PGBD1: variants seen among roughly 807,000 people sequenced by gnomAD.
PGBD1 encodes piggyBac transposable element derived 1.
In PGBD1, 25 loss-of-function variants were observed where a neutral mutation model predicts 34.7. That is an observed-to-expected ratio of 0.72 (90% confidence interval 0.52 to 1.00). The LOEUF (loss-of-function observed/expected upper bound fraction) is 1.00. Among genes scored for constraint, PGBD1 ranks in the 50% least tolerant of loss-of-function variants. PGBD1 has a pLI of 0.00. For synonymous variants in PGBD1, 292 were observed against 335.7 expected, an observed-to-expected ratio of 0.87 and a Z score of 1.42; for missense variants, 830 against 959.4, an observed-to-expected ratio of 0.87 and a Z score of 1.78.
At chr6:28,293,932 G>T (rs1483358624) in intron 4 of PGBD1, among the ~76,000 whole-genome samples, 1 of 152,092 alleles carries the variant, frequency 6.6e-6, no homozygotes, top group African/African-American at 2.4e-5. Context: ...TGCCTCTCAG[G>T]TTCAATAAAA....
rs773350099 is a variant in PGBD1 at position 28,296,810 on chromosome 6, T to A, written c.643-6T>A. The A allele has an allele frequency of 6.2e-7, 1 of 1,613,682 alleles. No individual in the cohort carries two copies. The highest frequency in any genetic ancestry group is 1.7e-5 in the Admixed American group (1 of 59,858). ...AAGAGGCTATTTTCTTTTTTTGTCT[T>A]TTTAGACATTGGTGAAGACTGAGGA... is the stretch of plus-strand genomic sequence containing the variant. On this transcript the variant is annotated splice_region_variant and splice_polypyrimidine_tract_variant and intron_variant, in intron 4 of 6. Transcript: ENST00000682144.
At chr6:28,285,910 T>C (rs1762273572) in intron 3 of PGBD1, among the ~76,000 whole-genome samples, 1 of 152,222 alleles carries the variant, frequency 6.6e-6, no homozygotes, top group Admixed American at 6.5e-5. Context: ...ATATTATTAT[T>C]ACTAACTATA....
chr6:28,287,677 T>G (rs1308008266), intron 4 of PGBD1, among the ~76,000 whole-genome samples: 1 of 152,196 alleles, frequency 6.6e-6, no homozygotes, highest in Non-Finnish European at 1.5e-5. Context: ...TCATTCATTT[T>G]CCTAGTCATT....
Position 28,287,164 on chromosome 6 carries a change from C to T in PGBD1, c.638C>T (p.Ser213Phe), listed in dbSNP as rs1247770697. 2 of 1,611,702 alleles carry T rather than the reference C, an allele frequency of 1.2e-6. No individual in the cohort carries two copies. The highest frequency in any genetic ancestry group is 1.7e-5 in the Admixed American group (1 of 60,008). ...AVVPVFNPVR[S>F]QTLVKTEEET... ...GTGCCTGTGTTTAACCCAGTCAGGT[C>T]CCAGGTAAGTAGGATGCCCAAGCTT... Residue 213 changes from serine (S) to phenylalanine (F), a missense_variant, in exon 4 of 7, where the codon TCC becomes TTC. Ser to Phe is a radical substitution (Grantham distance 155, BLOSUM62 -2). Transcript: ENST00000682144.
At chr6:28,282,883 A>C (rs1762171492) in intron 1 of PGBD1, among the ~76,000 whole-genome samples, 1 of 152,230 alleles carries the variant, frequency 6.6e-6, no homozygotes, top group African/African-American at 2.4e-5. Flanking sequence ...CAAAGGAAAA[A>C]ATGAAAAGAG....
intron 3 of PGBD1, 139 bp downstream of exon 3, chr6:28,285,846 T>C: frequency 1.2e-6 from 1 of 863,416 alleles, no homozygotes; most frequent in Non-Finnish European, 1.7e-6. Flanking sequence ...ACCTTTTATG[T>C]GTCTGTGGTA....
At chr6:28,288,998 A>G (rs982080825) in intron 4 of PGBD1, among the ~76,000 whole-genome samples, 1 of 152,006 alleles carries the variant, frequency 6.6e-6, no homozygotes, top group Non-Finnish European at 1.5e-5. Flanking sequence ...CAAAAAAATT[A>G]AAATAAAATA....
intron 5 of PGBD1, 65 bp downstream of exon 5, chr6:28,297,010 T>C: frequency 6.3e-7 from 1 of 1,599,580 alleles, no homozygotes; most frequent in Non-Finnish European, 8.5e-7. Context: ...CACCCTGGCT[T>C]GGCCCTTGGG....
In PGBD1 at chr6:28,281,630, C is replaced by T; in HGVS notation, c.-327C>T. ...CCCGCCAGACCCGCCAGCCCAGCGG[C>T]CCGGGCTCTGGGGAAACCGGCGCTC... On this transcript the variant is annotated 5_prime_UTR_variant, in exon 1 of 7. Transcript: ENST00000682144. 1 of 378,070 alleles carries T rather than the reference C, an allele frequency of 2.6e-6. No individual in the cohort carries two copies. Among genetic ancestry groups the T allele is most frequent in the Non-Finnish European group, 4.7e-6 (1 of 213,660 alleles). 23.4% of individuals were successfully genotyped at this position (378,070 alleles called of 1,614,324 possible).
At chr6:28,297,815 A>C in intron 5 of PGBD1, 80 bp from the exon 6 acceptor site, 1 of 481,946 alleles carries the variant, frequency 2.1e-6, no homozygotes. Flanking sequence ...CTACCCTGGA[A>C]GTTTTTTTTT....
At position 28,299,289 on chromosome 6, in the gene PGBD1, A is replaced by G. The variant is rs543797227; in HGVS notation, c.869+1298A>G. ...TCAGGTTAGGTGCAATAGCTTAACC[A>G]TGGTATCAAAGGTCTAGCCCCCTGC... On this transcript the variant is annotated intron_variant, in intron 6 of 6. Coordinates refer to ENST00000682144, the MANE Select transcript of PGBD1 (RefSeq NM_032507.4). 2.6e-5 allele frequency among the ~76,000 whole-genome samples: 4 copies of G among 152,288 alleles called. No homozygotes were observed. The South Asian group carries it at 8.3e-4, about 32-fold the overall frequency.
At chr6:28,283,339 A>C (rs894106037) in intron 1 of PGBD1, among the ~76,000 whole-genome samples, 20 of 152,266 alleles carry the variant, frequency 1.3e-4, no homozygotes, top group Non-Finnish European at 2.8e-4. Context: ...ATCTCATCAC[A>C]AAAGGTATTT....
At chr6:28,297,845 T>TTAAAAATAAAAAA in intron 5 of PGBD1, 50 bp from the exon 6 acceptor site, 3 of 283,634 alleles carry the variant, frequency 1.1e-5, no homozygotes, top group Non-Finnish European at 2.0e-5. Context: ...TTTTTTTTTT[T>TTAAAAATAAAAAA]CAAAATTCAC....
intron 4 of PGBD1, among the ~76,000 whole-genome samples, chr6:28,293,473 T>C (rs1762532581): frequency 6.6e-6 from 1 of 152,230 alleles, no homozygotes; most frequent in East Asian, 1.9e-4. Flanking sequence ...TGTGTTTCAC[T>C]TTATTGTGCT....
intron 4 of PGBD1, among the ~76,000 whole-genome samples, chr6:28,291,516 A>G (rs1762449982): frequency 6.6e-6 from 1 of 151,674 alleles, no homozygotes; most frequent in Admixed American, 6.6e-5. Context: ...CCAAACATTT[A>G]AAAAGAACTA....
At chr6:28,290,675 A>G (rs1321211241) in intron 4 of PGBD1, among the ~76,000 whole-genome samples, 1 of 152,242 alleles carries the variant, frequency 6.6e-6, no homozygotes, top group Non-Finnish European at 1.5e-5. Context: ...CACGTGGGAC[A>G]TAAGAATAGA....
chr6:28,298,848 C>A (rs1762736975), intron 6 of PGBD1, among the ~76,000 whole-genome samples: 1 of 152,072 alleles, frequency 6.6e-6, no homozygotes. Context: ...AGAGAGGGAA[C>A]AAATCACAAG....
At position 28,284,036 on chromosome 6, in the gene PGBD1, C is replaced by T; in HGVS notation, c.223C>T (p.Pro75Ser). 6.2e-7 allele frequency: 1 copy of T among 1,614,130 alleles called. No individual in the cohort carries two copies. The highest frequency in any genetic ancestry group is 8.5e-7 in the Non-Finnish European group (1 of 1,179,992). Reference sequence around the variant, plus strand: ...AGAACTTTGTCATCAATGGCTGAGACCGGAGATGCACACCAAGGAACAGAT... The same window carrying T: ...AGAACTTTGTCATCAATGGCTGAGATCGGAGATGCACACCAAGGAACAGAT... ...LRELCHQWLR[P>S]EMHTKEQIME... The change falls in exon 2 of 7, where the codon CCG becomes TCG. Residue 75 changes from proline (P) to serine (S), a missense_variant. Physicochemically the swap from Pro to Ser is moderately conservative, Grantham distance 74. Around this residue, in one of 3 missense-constraint regions of PGBD1, gnomAD observed 457 missense variants for 515.4 expected, o/e 0.89. Coordinates refer to ENST00000682144, the MANE Select transcript of PGBD1 (RefSeq NM_032507.4).
intron 6 of PGBD1, among the ~76,000 whole-genome samples, chr6:28,299,834 C>G (rs1437050956): frequency 6.6e-6 from 1 of 151,972 alleles, no homozygotes; most frequent in East Asian, 1.9e-4. Flanking sequence ...AACCCTGTCT[C>G]TACTAAAAAT....
Sources: gnomAD v4.1 joint callset for allele counts (sites outside exome capture counted in the v4.1 genomes callset) on GRCh38, gnomAD v4.1.1 for gene constraint, gnomAD v4.1.1 regional missense constraint, MANE v1.5 for transcripts, NCBI Gene and HGNC (gene_info 2026-07-23, HGNC 2026-07-21) for gene names.